GBP4: variants seen among roughly 807,000 people sequenced by gnomAD.
The protein encoded by GBP4 is guanylate binding protein 4.
A neutral mutation model predicts 62.2 loss-of-function variants in GBP4; 69 were observed. That is an observed-to-expected ratio of 1.11 (90% confidence interval 0.91 to 1.36). GBP4 has a LOEUF of 1.36. Ranked by LOEUF, GBP4 falls within the 40% of genes most tolerant of loss-of-function variation. GBP4 has a pLI of 0.00. For synonymous variants in GBP4, 278 were observed against 274.6 expected (o/e 1.01, Z -0.12); for missense variants, 697 against 759.3 (o/e 0.92, Z 0.96).
rs1648418539 is a variant in GBP4, at chr1:89,198,860, C to T, written c.-26G>A. On this transcript the variant is annotated 5_prime_UTR_variant, in exon 1 of 11. Transcript: ENST00000355754. ...TGCTCTGTCCTCCTGCGCCTGGATC[C>T]TCGAGAAACGGACTGTTCTTAGAAG... The T allele has an allele frequency of 6.2e-7, 1 of 1,611,430 alleles. No individual in the cohort carries two copies. The highest frequency in any genetic ancestry group is 8.5e-7 in the Non-Finnish European group (1 of 1,177,536).
chr1:89,187,456 C>T (rs892190151), intron 8 of GBP4, among the ~76,000 whole-genome samples: 1 of 152,046 alleles, frequency 6.6e-6, no homozygotes, highest in African/African-American at 2.4e-5. Flanking sequence ...AAAGCACAGG[C>T]AACAAGTGCA....
chr1:89,188,171 T>C lies in GBP4; in HGVS notation c.1410+411A>G, dbSNP rs1009572850. ...AGGAAGTGAATCATCAAGATCATCA[T>C]CATCATCATCATCATATTAGTACAT... On this transcript the variant is annotated intron_variant, in intron 8 of 10. Coordinates refer to ENST00000355754, the MANE Select transcript of GBP4 (RefSeq NM_052941.5). 5.3e-5 allele frequency among the ~76,000 whole-genome samples: 8 copies of C among 152,092 alleles called. No homozygotes were observed. The South Asian group carries it at 1.7e-3, about 32-fold the overall frequency.
In GBP4 at chr1:89,191,313, G is replaced by A. The variant is rs777286949; in HGVS notation, c.864C>T (p.Phe288=). 29 of 1,614,142 alleles carry A rather than the reference G, an allele frequency of 1.8e-5. No individual in the cohort carries two copies. In the South Asian group the frequency reaches 3.0e-4, roughly 16 times the overall value. The part of the protein sequence containing the change: ...MQSDNFCSYI[F]THAKTKTLRE... ...TCAGGGTCTTGGTCTTTGCATGGGT[G>A]AAGATATAAGAACAGAAGTTGTCTG... The change falls in exon 6 of 11, where the codon TTC becomes TTT. Residue 288 remains phenylalanine (F), a synonymous_variant. Transcript: ENST00000355754.
rs1647952494 is a variant in GBP4 at position 89,183,665 on chromosome 1, G to A, written c.*1589C>T. 6.6e-6 allele frequency: 1 copy of A among 152,204 alleles called. No homozygotes were observed. The highest frequency in any genetic ancestry group is 1.5e-5 in the Non-Finnish European group (1 of 68,036). 9.4% of individuals were successfully genotyped at this position (152,204 alleles called of 1,614,324 possible). A position where few individuals can be genotyped will look rare whatever the true frequency, so the allele number is the denominator to read the frequency against. On this transcript the variant is annotated 3_prime_UTR_variant, in exon 11 of 11. Coordinates refer to ENST00000355754, the MANE Select transcript of GBP4 (RefSeq NM_052941.5). ...AGGCTGAAGCAGGCAGATTGCTTGA[G>A]CTCAGTAGTTCAAGACCAGCTTGGG...
Position 89,193,367 on chromosome 1 carries a change from G to A in GBP4, c.409C>T (p.Leu137=). The A allele has an allele frequency of 6.2e-7, 1 of 1,614,180 alleles. No individual in the cohort carries two copies. The highest frequency in any genetic ancestry group is 8.5e-7 in the Non-Finnish European group (1 of 1,180,026). ...DSWIFALAVL[L]SSSFVYNSVS... The stretch of plus-strand genomic sequence containing the variant: ...CTGTTATAGACAAAGCTGCTGCTTA[G>A]AAGCACAGCCAGGGCAAAGATCCAC... The change falls in exon 4 of 11, where the codon CTA becomes TTA. Residue 137 remains leucine, a synonymous_variant. Transcript: ENST00000355754.
chr1:89,190,107 C>CCT lies in GBP4; in HGVS notation c.1126_1127dup (p.Glu377GlyfsTer27). ...GCTCCATGAAGACTGCAATGGCTTC[C>CCT]CTCTCACAGGCTGCATGCACGTCCA... On this transcript the variant is annotated frameshift_variant, in exon 7 of 11. Transcript: ENST00000355754. LOFTEE classifies it high-confidence loss of function. 1 of 1,614,076 alleles carries CCT rather than the reference C, an allele frequency of 6.2e-7. No homozygotes were observed. The highest frequency in any genetic ancestry group is 1.1e-5 in the South Asian group (1 of 91,078).
At chr1:89,192,025 T>A (rs1648200793) in intron 5 of GBP4, among the ~76,000 whole-genome samples, 1 of 152,176 alleles carries the variant, frequency 6.6e-6, no homozygotes, top group African/African-American at 2.4e-5. Context: ...ACACCATAAA[T>A]ATGTTTAGAG....
Position 89,183,124 on chromosome 1 carries a change from G to A in GBP4, c.*2130C>T, listed in dbSNP as rs1024385172. 6.6e-6 allele frequency: 1 copy of A among 152,128 alleles called. No individual in the cohort carries two copies. The highest frequency in any genetic ancestry group is 1.5e-5 in the Non-Finnish European group (1 of 68,030). 9.4% of individuals were successfully genotyped at this position (152,128 alleles called of 1,614,324 possible). A position where few individuals can be genotyped will look rare whatever the true frequency, so the allele number is the denominator to read the frequency against. ...CCTAAACATAAAGAACAAAAGGGGA[G>A]GCATCAAGTTACCAAACCTCAAACC... On this transcript the variant is annotated 3_prime_UTR_variant, in exon 11 of 11. Transcript: ENST00000355754.
intron 7 of GBP4, among the ~76,000 whole-genome samples, chr1:89,189,713 C>G (rs2100675372): frequency 6.6e-6 from 1 of 152,320 alleles, no homozygotes; most frequent in Middle Eastern, 3.4e-3. Context: ...AAATCTAAGC[C>G]TCTTTGACAC....
rs762020723 is a variant in GBP4, at chr1:89,191,236, T to G, written c.916+25A>C. On this transcript the variant is annotated intron_variant, in intron 6 of 10. Coordinates refer to ENST00000355754, the MANE Select transcript of GBP4 (RefSeq NM_052941.5). ...ACACATCCTGGACCACAGACAGACA[T>G]GCTTTGGGACAAAAAAAGACTCACG... 2.5e-6 allele frequency: 4 copies of G among 1,606,260 alleles called. No homozygotes were observed. In the African/African-American group the frequency reaches 5.4e-5, roughly 21 times the overall value.
intron 1 of GBP4, among the ~76,000 whole-genome samples, chr1:89,197,840 C>G (rs942870383): frequency 6.6e-6 from 1 of 152,058 alleles, no homozygotes; most frequent in Admixed American, 6.5e-5. Context: ...TTGATACAAA[C>G]TTCTGCCTCT....
Position 89,195,378 on chromosome 1 carries a change from C to T in GBP4, c.282G>A (p.Trp94Ter), listed in dbSNP as rs1557476583. 2 of 1,614,018 alleles carry T rather than the reference C, an allele frequency of 1.2e-6. No homozygotes were observed. The highest frequency in any genetic ancestry group is 2.2e-5 in the South Asian group (2 of 91,068). Residue 94 changes from tryptophan to a stop codon, truncating the protein, a stop_gained, in exon 3 of 11, where the codon TGG becomes TGA. Transcript: ENST00000355754. LOFTEE classifies it high-confidence loss of function. ...STVQSETKGI[W>*]MWCVPHLSKP... Reference sequence around the variant, plus strand: ...TAGAGAGGTGGGGCACACACCACATCCAGATGCCCTTAGTTTCAGACTGCA... The same window carrying T: ...TAGAGAGGTGGGGCACACACCACATTCAGATGCCCTTAGTTTCAGACTGCA...
chr1:89,191,462 T>C lies in GBP4; in HGVS notation c.715A>G (p.Ile239Val), dbSNP rs1427931413. Residue 239 changes from isoleucine to valine, a missense_variant, in exon 6 of 11, where the codon ATC becomes GTC. Ile to Val is a conservative substitution (Grantham distance 29, BLOSUM62 3). This residue lies in a region of GBP4 where 556 missense variants were observed against 562.7 expected (regional missense o/e 0.99). Transcript: ENST00000355754. ...IQNSNMPREC[I>V]RHFFRKRKCF... ...TTCCGTTTTCGGAAGAAATGCCTGA[T>C]ACACTCTCTAGGCATGTTTGAATTT... 1 of 1,613,750 alleles carries C rather than the reference T, an allele frequency of 6.2e-7. No homozygotes were observed. The highest frequency in any genetic ancestry group is 8.5e-7 in the Non-Finnish European group (1 of 1,179,580).
rs374034066 is a variant in GBP4 at position 89,187,585 on chromosome 1, C to A, written c.1411-483G>T. Among the ~76,000 whole-genome samples the A allele has an allele frequency of 3.6e-4, 55 of 152,132 alleles. 6 individuals are homozygous for A. The highest frequency in any genetic ancestry group is 9.2e-4 in the Admixed American group (14 of 15,276). ...ACACTTGCACACCATAAATCTGATA[C>A]TGGGTTAATATCTAAAATACAAAAG... is the stretch of plus-strand genomic sequence containing the variant. On this transcript the variant is annotated intron_variant, in intron 8 of 10. Transcript: ENST00000355754.
At chr1:89,188,082 G>T (rs888410473) in intron 8 of GBP4, among the ~76,000 whole-genome samples, 4 of 152,022 alleles carry the variant, frequency 2.6e-5, no homozygotes, top group Non-Finnish European at 4.4e-5. Context: ...GACGATAGTG[G>T]TACCTAATTT....
At chr1:89,188,917 G>A in intron 7 of GBP4, 123 bp from the exon 8 acceptor site, 2 of 960,676 alleles carry the variant, frequency 2.1e-6, no homozygotes, top group South Asian at 1.5e-5. Context: ...TGTAGACCAA[G>A]AGTCACAAGA....
Position 89,190,035 on chromosome 1 carries a change from T to C in GBP4, c.1197+3A>G, listed in dbSNP as rs749336341. The stretch of plus-strand genomic sequence containing the variant: ...AATCAGGAAGGATAAATGCTAAAAG[T>C]ACCACAAGCTTCTTCTGGAATTCAT... On this transcript the variant is annotated splice_donor_region_variant and intron_variant, in intron 7 of 10. Transcript: ENST00000355754. 6.2e-7 allele frequency: 1 copy of C among 1,603,712 alleles called. No homozygotes were observed. Among genetic ancestry groups the C allele is most frequent in the Non-Finnish European group, 8.5e-7 (1 of 1,173,164 alleles).
Position 89,185,217 on chromosome 1 carries a change from C to A in GBP4, c.*37G>T. Reference sequence around the variant, plus strand: ...GTTATGTTATTAAAATAAAATAAACCTCATTTTATATTTTCTTACCTGGAA... The same window carrying A: ...GTTATGTTATTAAAATAAAATAAACATCATTTTATATTTTCTTACCTGGAA... On this transcript the variant is annotated 3_prime_UTR_variant, in exon 11 of 11. Coordinates refer to ENST00000355754, the MANE Select transcript of GBP4 (RefSeq NM_052941.5). 1 of 1,227,670 alleles carries A rather than the reference C, an allele frequency of 8.1e-7. No individual in the cohort carries two copies. The highest frequency in any genetic ancestry group is 1.8e-5 in the Admixed American group (1 of 56,092). 76.0% of individuals were successfully genotyped at this position (1,227,670 alleles called of 1,614,324 possible).
At chr1:89,196,671 GC>G (rs1178988805) in intron 2 of GBP4, among the ~76,000 whole-genome samples, 1 of 152,140 alleles carries the variant, frequency 6.6e-6, no homozygotes, top group Non-Finnish European at 1.5e-5. Context: ...ATGAAATGAA[GC>G]AAAAAATTAG....
Sources: allele counts gnomAD v4.1 joint callset (sites outside exome capture counted in the v4.1 genomes callset), GRCh38; gene constraint gnomAD v4.1.1; regional missense constraint gnomAD v4.1.1; transcripts MANE v1.5; gene names NCBI Gene and HGNC (gene_info 2026-07-23, HGNC 2026-07-21).